CCSER1: variants seen among roughly 807,000 people sequenced by gnomAD.
The protein encoded by CCSER1 is serine-rich coiled-coil domain-containing protein 1.
A neutral mutation model predicts 82.0 loss-of-function variants in CCSER1; 41 were observed. That is an observed-to-expected ratio of 0.50 (90% confidence interval 0.39 to 0.65). The LOEUF (loss-of-function observed/expected upper bound fraction) is 0.65. Ranked by LOEUF, CCSER1 falls within the 30% of genes least tolerant of loss-of-function variation. The probability of loss-of-function intolerance (pLI) is 0.00; values close to 1 mark genes in which losing one functional copy is unlikely to be tolerated. For synonymous variants in CCSER1, 414 were observed against 383.9 expected, an observed-to-expected ratio of 1.08 and a Z score of -0.92; for missense variants, 1,119 against 1,064.2, an observed-to-expected ratio of 1.05 and a Z score of -0.72.
intron 10 of CCSER1, among the ~76,000 whole-genome samples, chr4:91,443,676 TA>T (rs1755361014): frequency 6.8e-6 from 1 of 148,054 alleles, no homozygotes; most frequent in African/African-American, 2.5e-5. Context: ...AATAATAAAA[TA>T]AAAGAAAATA....
intron 10 of CCSER1, among the ~76,000 whole-genome samples, chr4:91,246,706 A>T (rs1167863074): frequency 1.3e-5 from 2 of 152,172 alleles, no homozygotes; most frequent in Non-Finnish European, 2.9e-5. Flanking sequence ...GTAGCATTCC[A>T]TGATGCGGTT....
At position 90,354,272 on chromosome 4, in the gene CCSER1, T is replaced by C. The variant is rs767812901; in HGVS notation, c.1509+41225T>C. On this transcript the variant is annotated intron_variant, in intron 3 of 10. Transcript: ENST00000509176. ...AGTATTAACAGCTGAGAGTAAACAG[T>C]GTTTACCAGCAGATTAGGGGGCTAG... Among the ~76,000 whole-genome samples the C allele has an allele frequency of 3.3e-5, 5 of 152,080 alleles. No homozygotes were observed. The East Asian group carries it at 5.8e-4, about 18-fold the overall frequency.
chr4:90,970,300 G>T (rs572025575), intron 9 of CCSER1, among the ~76,000 whole-genome samples: 2 of 151,864 alleles, frequency 1.3e-5, no homozygotes, highest in African/African-American at 2.4e-5. Flanking sequence ...CAGTAAGGGT[G>T]AGTATAATTA....
intron 3 of CCSER1, among the ~76,000 whole-genome samples, chr4:90,348,027 A>C (rs1011188656): frequency 6.6e-6 from 1 of 152,174 alleles, no homozygotes; most frequent in Non-Finnish European, 1.5e-5. Context: ...AGAAAACCAA[A>C]TACTGCATGT....
At chr4:91,080,073 G>A (rs62311033) in intron 9 of CCSER1, among the ~76,000 whole-genome samples, 47,252 of 152,026 alleles carry the variant, frequency 0.31, 8,213 homozygotes, top group East Asian at 0.46. Flanking sequence ...AGACCTCATA[G>A]ACATCTACAG....
chr4:91,318,225 T>A (rs1745962744), intron 10 of CCSER1, among the ~76,000 whole-genome samples: 1 of 151,978 alleles, frequency 6.6e-6, no homozygotes, highest in Non-Finnish European at 1.5e-5. Context: ...AGGGAATTAT[T>A]TTGCAATCAA....
intron 9 of CCSER1, among the ~76,000 whole-genome samples, chr4:91,078,067 C>A (rs543611854): frequency 2.7e-4 from 41 of 152,312 alleles, no homozygotes; most frequent in Admixed American, 5.9e-4. Context: ...CTTAAATGTC[C>A]CTGTCTGGCG....
chr4:91,136,391 A>C (rs1458573958), intron 10 of CCSER1, among the ~76,000 whole-genome samples: 2 of 152,158 alleles, frequency 1.3e-5, no homozygotes, highest in Non-Finnish European at 2.9e-5. Context: ...AATTACAGTC[A>C]TCTGTTTTAA....
At chr4:90,502,495 A>G (rs1208925391) in intron 5 of CCSER1, among the ~76,000 whole-genome samples, 1 of 152,144 alleles carries the variant, frequency 6.6e-6, no homozygotes, top group African/African-American at 2.4e-5. Context: ...TATATCACTA[A>G]AAGTTTGTGT....
At chr4:91,352,316 C>A (rs532130811) in intron 10 of CCSER1, among the ~76,000 whole-genome samples, 1 of 152,084 alleles carries the variant, frequency 6.6e-6, no homozygotes, top group Non-Finnish European at 1.5e-5. Flanking sequence ...GCGCGATCTC[C>A]GCTCGCTACA....
chr4:91,161,256 G>T (rs1731368845), intron 10 of CCSER1, among the ~76,000 whole-genome samples: 1 of 152,052 alleles, frequency 6.6e-6, no homozygotes, highest in South Asian at 2.1e-4. Context: ...AGTTGCATTG[G>T]TCTATATCTC....
At chr4:91,583,007 A>G (rs1763805963) in intron 10 of CCSER1, among the ~76,000 whole-genome samples, 1 of 151,450 alleles carries the variant, frequency 6.6e-6, no homozygotes, top group South Asian at 2.1e-4. Flanking sequence ...CCCATACTGT[A>G]TATCGTTGTA....
intron 9 of CCSER1, among the ~76,000 whole-genome samples, chr4:90,980,643 T>G (rs1294030380): frequency 6.6e-6 from 1 of 151,686 alleles, no homozygotes; most frequent in African/African-American, 2.4e-5. Flanking sequence ...GGATTTGCTC[T>G]TATTTTGTAA....
intron 1 of CCSER1, among the ~76,000 whole-genome samples, chr4:90,272,253 G>A (rs996866413): frequency 6.6e-6 from 1 of 151,972 alleles, no homozygotes; most frequent in Non-Finnish European, 1.5e-5. Context: ...ATGGTCAAAC[G>A]GTCTGAATAG....
At chr4:91,238,847 G>A (rs1365516860) in intron 10 of CCSER1, among the ~76,000 whole-genome samples, 5 of 149,660 alleles carry the variant, frequency 3.3e-5, no homozygotes, top group African/African-American at 1.2e-4. Flanking sequence ...TTTTTGAGAC[G>A]GAGTCTCGCA....
chr4:90,836,285 A>C (rs1456049272), intron 8 of CCSER1, among the ~76,000 whole-genome samples: 1 of 152,164 alleles, frequency 6.6e-6, no homozygotes, highest in Non-Finnish European at 1.5e-5. Flanking sequence ...TGGGTCTGGC[A>C]TCCTAATGAA....
chr4:90,982,206 C>G (rs1293392779), intron 9 of CCSER1, among the ~76,000 whole-genome samples: 4 of 151,808 alleles, frequency 2.6e-5, no homozygotes, highest in African/African-American at 9.6e-5. Flanking sequence ...GGCTCTTTTC[C>G]TGGTTTGCAG....
intron 8 of CCSER1, among the ~76,000 whole-genome samples, chr4:90,853,451 A>C (rs1320307049): frequency 6.6e-6 from 1 of 152,182 alleles, no homozygotes; most frequent in Non-Finnish European, 1.5e-5. Flanking sequence ...ATATAAGCAG[A>C]ATCATGATTA....
intron 10 of CCSER1, among the ~76,000 whole-genome samples, chr4:91,164,350 G>T (rs970765452): frequency 2.0e-5 from 3 of 152,040 alleles, no homozygotes; most frequent in African/African-American, 7.2e-5. Flanking sequence ...TTTCTCTCTG[G>T]CTGCCCTTAA....
Sources: allele counts gnomAD v4.1 joint callset (sites outside exome capture counted in the v4.1 genomes callset), GRCh38; gene constraint gnomAD v4.1.1; transcripts MANE v1.5; gene names NCBI Gene and HGNC (gene_info 2026-07-23, HGNC 2026-07-21).